DOCK3: variants seen among roughly 807,000 people sequenced by gnomAD.
The protein encoded by DOCK3 is dedicator of cytokinesis protein 3.
Under a neutral mutation model 265.6 loss-of-function variants are expected in DOCK3, and 60 were observed. The ratio of observed to expected loss-of-function variants is 0.23; its 90% CI spans 0.18 to 0.28. The LOEUF (loss-of-function observed/expected upper bound fraction) is 0.28, where lower values mean the gene tolerates loss of function less well. DOCK3 is among the 10% of genes least tolerant of loss of function. The probability of loss-of-function intolerance (pLI) is 1.00; values close to 1 mark genes in which losing one functional copy is unlikely to be tolerated. For synonymous variants in DOCK3, 881 were observed against 938.0 expected, an observed-to-expected ratio of 0.94 and a Z score of 1.11; for missense variants, 1,981 against 2,594.3, an observed-to-expected ratio of 0.76 and a Z score of 5.14.
chr3:50,881,882 T>G (rs1453383364), intron 3 of DOCK3, among the ~76,000 whole-genome samples: 1 of 152,082 alleles, frequency 6.6e-6, no homozygotes, highest in African/African-American at 2.4e-5. Flanking sequence ...AAGTCTACAG[T>G]AACCAACACA....
intron 12 of DOCK3, among the ~76,000 whole-genome samples, chr3:51,170,215 A>G (rs1322586927): frequency 6.6e-6 from 1 of 152,202 alleles, no homozygotes; most frequent in African/African-American, 2.4e-5. Context: ...TACTCAACCT[A>G]TAGTCTTTTT....
chr3:51,237,597 T>A lies in DOCK3; in HGVS notation c.2102+7T>A. 1.2e-6 allele frequency: 2 copies of A among 1,610,172 alleles called. No homozygotes were observed. The highest frequency in any genetic ancestry group is 1.7e-6 in the Non-Finnish European group (2 of 1,177,438). ...CTGGAGCTCTGGCATACAAGTAAGTTCCATTTGGTATCATCATTAGGACTC... is the reference window on the plus strand; with the variant it reads ...CTGGAGCTCTGGCATACAAGTAAGTACCATTTGGTATCATCATTAGGACTC... On this transcript the variant is annotated splice_region_variant and intron_variant, in intron 21 of 52. Coordinates refer to ENST00000266037, the MANE Select transcript of DOCK3 (RefSeq NM_004947.5).
At chr3:51,069,810 A>G (rs1163117355) in intron 6 of DOCK3, among the ~76,000 whole-genome samples, 3 of 152,264 alleles carry the variant, frequency 2.0e-5, no homozygotes, top group Non-Finnish European at 4.4e-5. Context: ...AATATCCCCC[A>G]GTGAGTTTCC....
chr3:50,709,737 A>G (rs1208428119), intron 1 of DOCK3, among the ~76,000 whole-genome samples: 1 of 152,154 alleles, frequency 6.6e-6, no homozygotes, highest in Non-Finnish European at 1.5e-5. Context: ...GAGGCAGGAG[A>G]ATCACTTGAA....
intron 49 of DOCK3, among the ~76,000 whole-genome samples, chr3:51,368,675 A>C (rs2087441192): frequency 6.6e-6 from 1 of 152,182 alleles, no homozygotes; most frequent in South Asian, 2.1e-4. Flanking sequence ...GCAGACTTAA[A>C]CGTCCCTGTC....
At chr3:51,309,402 C>T (rs1314993601) in intron 27 of DOCK3, among the ~76,000 whole-genome samples, 3 of 152,204 alleles carry the variant, frequency 2.0e-5, no homozygotes, top group Non-Finnish European at 2.9e-5. Flanking sequence ...GCCAACCCAG[C>T]GAAACCCCGT....
intron 27 of DOCK3, among the ~76,000 whole-genome samples, chr3:51,307,607 G>T (rs1238548321): frequency 6.6e-6 from 1 of 151,928 alleles, no homozygotes; most frequent in Non-Finnish European, 1.5e-5. Context: ...GCACTTTTCA[G>T]TTCAGCCATA....
At chr3:51,023,391 T>C (rs2079678993) in intron 5 of DOCK3, among the ~76,000 whole-genome samples, 1 of 152,122 alleles carries the variant, frequency 6.6e-6, no homozygotes, top group Non-Finnish European at 1.5e-5. Flanking sequence ...CATTTCCAGA[T>C]GTTCTGATTG....
Position 50,675,262 on chromosome 3 carries a change from C to A in DOCK3, c.-2C>A. The A allele has an allele frequency of 8.1e-7, 1 of 1,238,558 alleles. No individual in the cohort carries two copies. Among genetic ancestry groups the A allele is most frequent in the Non-Finnish European group, 1.0e-6 (1 of 977,064 alleles). 76.7% of individuals were successfully genotyped at this position (1,238,558 alleles called of 1,614,324 possible). On this transcript the variant is annotated 5_prime_UTR_variant, in exon 1 of 53. Coordinates refer to ENST00000266037, the MANE Select transcript of DOCK3 (RefSeq NM_004947.5). The surrounding 1 kb of genome is among the most constrained non-coding windows in gnomAD (Gnocchi z 6.1). Reference sequence around the variant, plus strand: ...GCCCGCGGGGCCGCGCCCGGCACGGCCATGTGGACCCCCACGGAGGAGGAG... The same window carrying A: ...GCCCGCGGGGCCGCGCCCGGCACGGACATGTGGACCCCCACGGAGGAGGAG...
chr3:50,831,690 A>C (rs1025192919), intron 2 of DOCK3, among the ~76,000 whole-genome samples: 2 of 152,192 alleles, frequency 1.3e-5, no homozygotes, highest in Non-Finnish European at 2.9e-5. Flanking sequence ...CAATAAACAT[A>C]TGTGTGCATG....
intron 4 of DOCK3, among the ~76,000 whole-genome samples, chr3:50,891,441 T>TA (rs2048636625): frequency 6.6e-6 from 1 of 152,034 alleles, no homozygotes; most frequent in East Asian, 1.9e-4. Context: ...CATAAGGACA[T>TA]AAAAAAGAAA....
chr3:50,995,374 T>A (rs1246000153), intron 5 of DOCK3, among the ~76,000 whole-genome samples: 1 of 152,236 alleles, frequency 6.6e-6, no homozygotes, highest in Non-Finnish European at 1.5e-5. Flanking sequence ...TGAAGAGGCA[T>A]AGTCCTTAGC....
intron 3 of DOCK3, among the ~76,000 whole-genome samples, chr3:50,854,735 A>G (rs928045787): frequency 2.7e-5 from 4 of 150,536 alleles, no homozygotes; most frequent in African/African-American, 9.8e-5. Context: ...GGCTTTTCCT[A>G]TGTTTTCTTC....
intron 5 of DOCK3, among the ~76,000 whole-genome samples, chr3:50,937,266 A>G (rs1435641359): frequency 7.1e-6 from 1 of 141,230 alleles, no homozygotes; most frequent in African/African-American, 2.6e-5. Context: ...GATGAGAGCA[A>G]AACTCCATCT....
intron 38 of DOCK3, 22 bp from the exon 39 acceptor site, chr3:51,348,830 C>CCTGTTT: frequency 6.4e-7 from 1 of 1,559,242 alleles, no homozygotes. Context: ...ATGCTGAAGC[C>CCTGTTT]CTGTTTCTGT....
intron 4 of DOCK3, among the ~76,000 whole-genome samples, chr3:50,905,890 G>T (rs2049465600): frequency 6.6e-6 from 1 of 151,956 alleles, no homozygotes; most frequent in South Asian, 2.1e-4. Flanking sequence ...TATGATATTG[G>T]CTGTGGGTTT....
intron 7 of DOCK3, among the ~76,000 whole-genome samples, chr3:51,084,789 A>T (rs997313062): frequency 1.3e-5 from 2 of 152,236 alleles, no homozygotes; most frequent in African/African-American, 4.8e-5. Context: ...AAACAATCAC[A>T]AAATAATTAA....
intron 23 of DOCK3, among the ~76,000 whole-genome samples, chr3:51,269,129 C>CTA (rs1396108785): frequency 3.4e-5 from 5 of 147,796 alleles, no homozygotes; most frequent in African/African-American, 1.2e-4. Flanking sequence ...GTCTCTCTCT[C>CTA]TCTCTCTCTA....
At chr3:50,979,647 C>A (rs531187167) in intron 5 of DOCK3, among the ~76,000 whole-genome samples, 3 of 152,144 alleles carry the variant, frequency 2.0e-5, no homozygotes, top group Non-Finnish European at 2.9e-5. Flanking sequence ...CCTGCAGAAC[C>A]ACAAAACAAA....
Sources: allele counts gnomAD v4.1 joint callset (sites outside exome capture counted in the v4.1 genomes callset), GRCh38; gene constraint gnomAD v4.1.1; non-coding constraint Gnocchi (gnomAD v3.1); transcripts MANE v1.5; gene names NCBI Gene and HGNC (gene_info 2026-07-23, HGNC 2026-07-21).